ANKRD10: variants seen among roughly 807,000 people sequenced by gnomAD.
The protein encoded by ANKRD10 is ankyrin repeat domain-containing protein 10.
Under a neutral mutation model 27.0 loss-of-function variants are expected in ANKRD10, and 14 were observed. The observed-to-expected ratio is 0.52, with a 90% CI of 0.34 to 0.81. ANKRD10 has a LOEUF of 0.81. ANKRD10 is among the 40% of genes least tolerant of loss of function. ANKRD10 has a pLI of 0.01. For missense variants in ANKRD10, 493 were observed against 544.0 expected, an observed-to-expected ratio of 0.91 and a Z score of 0.93; for synonymous variants, 250 against 224.5, an observed-to-expected ratio of 1.11 and a Z score of -1.01.
At chr13:110,913,433 CG>C (rs1407858235) in intron 1 of ANKRD10, among the ~76,000 whole-genome samples, 1 of 152,224 alleles carries the variant, frequency 6.6e-6, no homozygotes, top group Non-Finnish European at 1.5e-5. Flanking sequence ...GCAGGTACTA[CG>C]GTTGCACAAC....
chr13:110,895,780 G>C (rs2065210448), intron 3 of ANKRD10, among the ~76,000 whole-genome samples: 1 of 152,154 alleles, frequency 6.6e-6, no homozygotes, highest in South Asian at 2.1e-4. Context: ...TAACCTTATA[G>C]AAAAATAATC....
chr13:110,900,452 TA>T, intron 3 of ANKRD10: 1 of 1,082,106 alleles, frequency 9.2e-7, no homozygotes, highest in Non-Finnish European at 1.2e-6. Flanking sequence ...ATAAATTAGG[TA>T]AGCAAAGCAT....
chr13:110,914,627 A>G (rs2065832754), intron 1 of ANKRD10, 98 bp downstream of exon 1: 1 of 1,433,384 alleles, frequency 7.0e-7, no homozygotes, highest in Non-Finnish European at 9.2e-7. Flanking sequence ...CCGCCCCGCG[A>G]TCCCGGCACG....
intron 5 of ANKRD10, among the ~76,000 whole-genome samples, chr13:110,882,419 CAG>C (rs1455102492): frequency 1.3e-5 from 2 of 152,130 alleles, no homozygotes; most frequent in Non-Finnish European, 2.9e-5. Flanking sequence ...CTTACTCAGT[CAG>C]AGTGTCATAA....
chr13:110,905,050 C>T (rs528441106), intron 3 of ANKRD10: 1 of 152,182 alleles, frequency 6.6e-6, no homozygotes, highest in South Asian at 2.1e-4. Flanking sequence ...TTTATTTCCT[C>T]CGAAGTCTAA....
chr13:110,900,056 C>A (rs916254781), intron 3 of ANKRD10, among the ~76,000 whole-genome samples: 3 of 150,700 alleles, frequency 2.0e-5, no homozygotes, highest in Non-Finnish European at 3.0e-5. Flanking sequence ...TTCAAACACT[C>A]AAATTTATAT....
chr13:110,888,170 C>T (rs2064982737), intron 4 of ANKRD10, among the ~76,000 whole-genome samples: 2 of 151,104 alleles, frequency 1.3e-5, no homozygotes, highest in Non-Finnish European at 2.9e-5. Flanking sequence ...TCTGGAAAGA[C>T]CGGGGGGGAC....
At position 110,879,402 on chromosome 13, in the gene ANKRD10, A is replaced by C. The variant is rs1463077034; in HGVS notation, c.*235T>G. The C allele has an allele frequency of 2.0e-6, 1 of 504,058 alleles. No individual in the cohort carries two copies. Among genetic ancestry groups the C allele is most frequent in the African/African-American group, 1.9e-5 (1 of 52,826 alleles). 31.2% of individuals were successfully genotyped at this position (504,058 alleles called of 1,614,324 possible). A position where few individuals can be genotyped will look rare whatever the true frequency, so the allele number is the denominator to read the frequency against. On this transcript the variant is annotated 3_prime_UTR_variant, in exon 6 of 6. Transcript: ENST00000267339. ...TTGAGATTGGCATCAGAAAAACTCCAAAAGTGCACCTTATAAAAAGGACAC... is the reference window on the plus strand; with the variant it reads ...TTGAGATTGGCATCAGAAAAACTCCCAAAGTGCACCTTATAAAAAGGACAC...
At position 110,880,002 on chromosome 13, in the gene ANKRD10, C is replaced by T. The variant is rs770761086; in HGVS notation, c.898G>A (p.Gly300Ser). 4.3e-6 allele frequency: 7 copies of T among 1,614,094 alleles called. No homozygotes were observed. In the African/African-American group the frequency reaches 9.3e-5, roughly 22 times the overall value. The change falls in exon 6 of 6, where the codon GGC becomes AGC. Residue 300 changes from glycine (G) to serine (S), a missense_variant. Gly to Ser is a moderately conservative substitution (Grantham distance 56). Coordinates refer to ENST00000267339, the MANE Select transcript of ANKRD10 (RefSeq NM_017664.4). ...CCGTTAGTTCCTGTCAAGCACTGGC[C>T]ATTCCTGCTTTCCATCCCACTGAGC... is the stretch of plus-strand genomic sequence containing the variant. ...TPLSGMESRN[G>S]QCLTGTNGIS... is the part of the protein sequence containing the mutation.
At chr13:110,902,530 A>G (rs1402304215) in intron 3 of ANKRD10, among the ~76,000 whole-genome samples, 1 of 152,212 alleles carries the variant, frequency 6.6e-6, no homozygotes, top group Non-Finnish European at 1.5e-5. Flanking sequence ...CCTACTTCCT[A>G]AACTAGGCAA....
Position 110,898,750 on chromosome 13 carries a change from CTTTTTT to C in ANKRD10, c.456-5493_456-5488del, listed in dbSNP as rs56176208. Among the ~76,000 whole-genome samples the C allele has an allele frequency of 8.4e-4, 89 of 106,546 alleles. 1 individual carries two copies. Among genetic ancestry groups the C allele is most frequent in the Admixed American group, 1.7e-3 (16 of 9,200 alleles). The allele number at this position is 106,546 out of a possible 152,430, so 69.9% of individuals were successfully genotyped here. On this transcript the variant is annotated intron_variant, in intron 3 of 5. Coordinates refer to ENST00000267339, the MANE Select transcript of ANKRD10 (RefSeq NM_017664.4). ...ACCATACCCAACTAGTTTTTCTTTT[CTTTTTT>C]TTTTTTTTTTTTTTTTGAGACGGAG...
In ANKRD10 at chr13:110,880,214, C is replaced by CT. The variant is rs199678096; in HGVS notation, c.788-103dup. The CT allele has an allele frequency of 1.3e-3, 1,265 of 994,060 alleles. 5 individuals carry two copies. In the African/African-American group the frequency reaches 0.016, roughly 12 times the overall value. 61.6% of individuals were successfully genotyped at this position (994,060 alleles called of 1,614,324 possible). A position where few individuals can be genotyped will look rare whatever the true frequency, so the allele number is the denominator to read the frequency against. ...TTACAATTTTAAAGAATTTTAGTTT[C>CT]TTTTTTTTCCTTTTAAACCAGTTCT... On this transcript the variant is annotated intron_variant, in intron 5 of 5. Transcript: ENST00000267339.
At chr13:110,881,801 G>A (rs545269166) in intron 5 of ANKRD10, among the ~76,000 whole-genome samples, 1 of 152,188 alleles carries the variant, frequency 6.6e-6, no homozygotes, top group African/African-American at 2.4e-5. Context: ...CAGTTAATCT[G>A]TTCAATTATT....
intron 4 of ANKRD10, among the ~76,000 whole-genome samples, chr13:110,891,891 T>TAA (rs1566460280): frequency 6.8e-6 from 1 of 146,258 alleles, no homozygotes; most frequent in African/African-American, 2.5e-5. Flanking sequence ...TTTTTTTTTT[T>TAA]AAATAGAGAC....
intron 1 of ANKRD10, among the ~76,000 whole-genome samples, chr13:110,914,322 C>T (rs941807547): frequency 2.6e-5 from 4 of 152,212 alleles, no homozygotes; most frequent in African/African-American, 9.6e-5. Flanking sequence ...GCCTAATACC[C>T]GGCTCTGCGA....
intron 3 of ANKRD10, among the ~76,000 whole-genome samples, chr13:110,895,939 C>A (rs2065214626): frequency 6.6e-6 from 1 of 152,166 alleles, no homozygotes; most frequent in Non-Finnish European, 1.5e-5. Flanking sequence ...CTTAGACCAA[C>A]CAAATTTCCA....
chr13:110,893,360 G>T (rs2138841280), intron 3 of ANKRD10, 97 bp from the exon 4 acceptor site: 1 of 1,154,938 alleles, frequency 8.7e-7, no homozygotes, highest in Non-Finnish European at 1.2e-6. Context: ...TGGTATGAAA[G>T]AGTAAACAAA....
At chr13:110,914,542 C>T (rs970769533) in intron 1 of ANKRD10, 183 bp downstream of exon 1, 4 of 835,904 alleles carry the variant, frequency 4.8e-6, no homozygotes, top group East Asian at 3.5e-5. Flanking sequence ...GCTGCCCCGC[C>T]GCGACTCCGG....
At chr13:110,902,231 G>T (rs576377929) in intron 3 of ANKRD10, among the ~76,000 whole-genome samples, 55 of 151,674 alleles carry the variant, frequency 3.6e-4, no homozygotes, top group African/African-American at 1.1e-3. Flanking sequence ...ATTTCAAAAT[G>T]AATAGCTAAA....
Sources: allele counts gnomAD v4.1 joint callset (sites outside exome capture counted in the v4.1 genomes callset), GRCh38; gene constraint gnomAD v4.1.1; transcripts MANE v1.5; gene names NCBI Gene and HGNC (gene_info 2026-07-23, HGNC 2026-07-21).